Variants in CDKN2B-AS1 observed in about 807,000 individuals in gnomAD.
CDKN2B-AS1 encodes the protein CDKN2B and CDKN2A antisense cis and trans regulatory RNA 1, also known as CDKN2B antisense RNA 1 (non-protein coding).
chr9:22,108,631 G>C (rs1237224994), intron 4 of CDKN2B-AS1, among the ~76,000 whole-genome samples: 1 of 152,066 alleles, frequency 6.6e-6, no homozygotes, highest in East Asian at 1.9e-4. Flanking sequence ...AAAAATACTT[G>C]GTGTACAACT....
intron 4 of CDKN2B-AS1, chr9:22,118,820 T>G (rs72654268): frequency 1.3e-5 from 2 of 152,218 alleles, no homozygotes; most frequent in African/African-American, 4.8e-5. Context: ...ACAGTGGCCT[T>G]TGCTTTGTAG....
chr9:22,026,302 T>G (rs1421982185), intron 1 of CDKN2B-AS1, among the ~76,000 whole-genome samples: 1 of 151,646 alleles, frequency 6.6e-6, no homozygotes, highest in Non-Finnish European at 1.5e-5. Flanking sequence ...CTGGCAGGTG[T>G]GGCTGGAGGC....
chr9:22,115,136 T>C (rs574451154), intron 4 of CDKN2B-AS1, among the ~76,000 whole-genome samples: 4 of 152,332 alleles, frequency 2.6e-5, no homozygotes, highest in African/African-American at 9.6e-5. Context: ...TTCATTAGTA[T>C]GTACCAATGT....
At chr9:22,030,442 A>G (rs1476728090) in intron 1 of CDKN2B-AS1, 2 of 152,188 alleles carry the variant, frequency 1.3e-5, no homozygotes, top group Non-Finnish European at 2.9e-5. Flanking sequence ...GTATTTGACA[A>G]TAAATGACTC....
chr9:22,026,194 G>C (rs1009860076), intron 1 of CDKN2B-AS1, among the ~76,000 whole-genome samples: 11 of 152,188 alleles, frequency 7.2e-5, no homozygotes, highest in Non-Finnish European at 1.0e-4. Context: ...CTGAAGGCTG[G>C]AATGGGTAAG....
chr9:22,124,220 A>G (rs1309100400), intron 4 of CDKN2B-AS1, among the ~76,000 whole-genome samples: 21 of 152,194 alleles, frequency 1.4e-4, no homozygotes, highest in Admixed American at 1.0e-3. Flanking sequence ...ATCCATTTCT[A>G]TTTGATGTAA....
intron 4 of CDKN2B-AS1, among the ~76,000 whole-genome samples, chr9:22,091,284 G>C (rs1825074510): frequency 6.6e-6 from 1 of 152,066 alleles, no homozygotes; most frequent in South Asian, 2.1e-4. Context: ...TTGTTCTTTT[G>C]GCTTAGGATT....
At chr9:22,080,148 G>A (rs1394829928) in intron 4 of CDKN2B-AS1, among the ~76,000 whole-genome samples, 1 of 152,206 alleles carries the variant, frequency 6.6e-6, no homozygotes, top group East Asian at 1.9e-4. Context: ...AGGAATCCCA[G>A]TTTGGCTGGC....
intron 4 of CDKN2B-AS1, chr9:22,119,131 A>C (rs1164809345): frequency 6.6e-6 from 1 of 151,930 alleles, no homozygotes; most frequent in Non-Finnish European, 1.5e-5. Flanking sequence ...ATATGGGTGT[A>C]ATAACTGTGC....
rs72652502 is a variant in CDKN2B-AS1 at position 22,106,565 on chromosome 9, G to T, written n.439-20538G>T. Among the ~76,000 whole-genome samples the T allele has an allele frequency of 6.4e-4, 97 of 152,198 alleles. 1 individual carries two copies. The highest frequency in any genetic ancestry group is 2.0e-3 in the Admixed American group (30 of 15,290). ...CAGCTTTCTTATTTGTAAAATGAAG[G>T]TACTAGTACTAATTTGGAGAGTTGT... On this transcript the variant is annotated intron_variant and non_coding_transcript_variant, in intron 4 of 4. Coordinates refer to ENST00000650946, the Ensembl canonical transcript of CDKN2B-AS1.
At position 21,997,450 on chromosome 9, in the gene CDKN2B-AS1, C is replaced by T. The variant is rs1820737277; in HGVS notation, n.29+2289C>T. On this transcript the variant is annotated intron_variant and non_coding_transcript_variant, in intron 1 of 4. Transcript: ENST00000650946. This position sits in a 1 kb window ranked among gnomAD's most constrained non-coding sequence, Gnocchi z 4.8. ...TATACGTACATTATATGTCTACACACACATATGTGGGGGAGAGAAAGAGAG... is the reference window on the plus strand; with the variant it reads ...TATACGTACATTATATGTCTACACATACATATGTGGGGGAGAGAAAGAGAG... 6.6e-6 allele frequency among the ~76,000 whole-genome samples: 1 copy of T among 151,182 alleles called. No homozygotes were observed. The highest frequency in any genetic ancestry group is 6.6e-5 in the Admixed American group (1 of 15,180).
intron 4 of CDKN2B-AS1, chr9:22,066,240 G>T (rs974222985): frequency 6.6e-6 from 1 of 151,470 alleles, no homozygotes; most frequent in Non-Finnish European, 1.5e-5. Context: ...TTAAGACAGG[G>T]TCTCACTCTG....
chr9:22,033,605 A>G (rs1418798866), intron 1 of CDKN2B-AS1, among the ~76,000 whole-genome samples: 2 of 152,194 alleles, frequency 1.3e-5, no homozygotes, highest in Admixed American at 6.5e-5. Flanking sequence ...GTACAAGGCT[A>G]GATTAGAAAG....
intron 1 of CDKN2B-AS1, among the ~76,000 whole-genome samples, chr9:22,016,192 A>T (rs985115757): frequency 3.3e-5 from 5 of 152,112 alleles, no homozygotes; most frequent in South Asian, 2.1e-4. Flanking sequence ...CTGAATGGTA[A>T]TGCCTAGGTT....
chr9:22,112,989 G>A lies in CDKN2B-AS1; in HGVS notation n.439-14114G>A, dbSNP rs139916095. ...TTGCTGTTTGGTTAAGAGGAGGGGT[G>A]ATGTGATAAAAATAGTGACGAAGTG... On this transcript the variant is annotated intron_variant and non_coding_transcript_variant, in intron 4 of 4. Coordinates refer to ENST00000650946, the Ensembl canonical transcript of CDKN2B-AS1. Among the ~76,000 whole-genome samples, 279 of 152,292 alleles carry A rather than the reference G, an allele frequency of 1.8e-3. 2 individuals are homozygous for A. The highest frequency in any genetic ancestry group is 6.4e-3 in the African/African-American group (268 of 41,562).
At chr9:22,115,391 C>T (rs140855983) in intron 4 of CDKN2B-AS1, among the ~76,000 whole-genome samples, 11 of 152,034 alleles carry the variant, frequency 7.2e-5, no homozygotes, top group South Asian at 2.1e-4. Context: ...GAGAAAACTG[C>T]GATATATGAT....
intron 4 of CDKN2B-AS1, among the ~76,000 whole-genome samples, chr9:22,082,843 G>A (rs1824743398): frequency 6.6e-6 from 1 of 152,092 alleles, no homozygotes; most frequent in Admixed American, 6.5e-5. Context: ...ATTTGACTAA[G>A]CCATATAATC....
intron 4 of CDKN2B-AS1, among the ~76,000 whole-genome samples, chr9:22,078,472 TTTAC>T (rs1563967430): frequency 6.6e-6 from 1 of 152,228 alleles, no homozygotes; most frequent in Non-Finnish European, 1.5e-5. Flanking sequence ...CAGTTAGGCC[TTTAC>T]TTACTTCTTC....
intron 4 of CDKN2B-AS1, among the ~76,000 whole-genome samples, chr9:22,107,780 G>A (rs181346951): frequency 3.7e-4 from 57 of 152,338 alleles, no homozygotes; most frequent in African/African-American, 1.2e-3. Context: ...CAGGCAGCCA[G>A]GGGGAATCTC....
Sources: gnomAD v4.1 joint callset for allele counts (sites outside exome capture counted in the v4.1 genomes callset) on GRCh38, gnomAD v4.1.1 for gene constraint, Gnocchi (gnomAD v3.1) non-coding constraint, MANE v1.5 for transcripts, NCBI Gene and HGNC (gene_info 2026-07-23, HGNC 2026-07-21) for gene names.